AGMO: variants seen among roughly 807,000 people sequenced by gnomAD.
AGMO encodes glyceryl-ether monooxygenase.
Under a neutral mutation model 60.2 loss-of-function variants are expected in AGMO, and 75 were observed. The observed-to-expected ratio is 1.25, with a 90% CI of 1.03 to 1.51. AGMO has a LOEUF of 1.51. AGMO is among the 40% of genes most tolerant of loss of function. AGMO has a pLI of 0.00. For missense variants in AGMO, 763 were observed against 525.5 expected (o/e 1.45, Z -4.42); for synonymous variants, 261 against 177.1 (o/e 1.47, Z -3.76).
intron 10 of AGMO, among the ~76,000 whole-genome samples, chr7:15,370,829 T>C (rs11975914): frequency 0.56 from 84,998 of 151,956 alleles, 24,360 homozygotes; most frequent in African/African-American, 0.67. Flanking sequence ...TTTTCTCCCA[T>C]TCTGTAGACT....
At chr7:15,290,036 T>G (rs1345508754) in intron 12 of AGMO, among the ~76,000 whole-genome samples, 4 of 149,960 alleles carry the variant, frequency 2.7e-5, no homozygotes, top group Non-Finnish European at 5.9e-5. Context: ...AAGTTGATTT[T>G]TTTTTTTTTT....
chr7:15,361,216 A>G (rs533259900), intron 12 of AGMO, among the ~76,000 whole-genome samples: 9 of 151,958 alleles, frequency 5.9e-5, no homozygotes, highest in South Asian at 4.2e-4. Context: ...TCATGCAGCC[A>G]TATCTCTCAA....
intron 12 of AGMO, among the ~76,000 whole-genome samples, chr7:15,322,449 TATATATAAATATATATAA>T (rs200415846): frequency 0.068 from 4,522 of 66,504 alleles, 250 homozygotes; most frequent in East Asian, 0.098. Context: ...TATATAAATA[TATATATAAATATATATAA>T]ATATATAAAT....
intron 12 of AGMO, among the ~76,000 whole-genome samples, chr7:15,245,169 A>G (rs1247295308): frequency 6.6e-6 from 1 of 152,154 alleles, no homozygotes; most frequent in Non-Finnish European, 1.5e-5. Context: ...ATTATATGGT[A>G]CATTTCATTA....
At chr7:15,322,565 AATATAT>A (rs1306148346) in intron 12 of AGMO, among the ~76,000 whole-genome samples, 1 of 36,150 alleles carries the variant, frequency 2.8e-5, no homozygotes, top group Non-Finnish European at 4.3e-5. Flanking sequence ...TAAATATATA[AATATAT>A]ATAAATATAT....
chr7:15,548,268 T>C (rs900698846), intron 2 of AGMO, among the ~76,000 whole-genome samples: 79 of 152,106 alleles, frequency 5.2e-4, no homozygotes, highest in Non-Finnish European at 9.7e-4. Flanking sequence ...CCTCTCCTCC[T>C]CCAAAGGAAC....
intron 3 of AGMO, among the ~76,000 whole-genome samples, chr7:15,511,085 A>G (rs1295268383): frequency 6.6e-6 from 1 of 152,092 alleles, no homozygotes; most frequent in Non-Finnish European, 1.5e-5. Context: ...AATAGTAAAA[A>G]GTAAGATCGT....
At chr7:15,354,452 G>GTA (rs374538625) in intron 12 of AGMO, among the ~76,000 whole-genome samples, 3 of 22,230 alleles carry the variant, frequency 1.3e-4, no homozygotes, top group Admixed American at 5.6e-4. Context: ...ACACGTGTGT[G>GTA]TATACACACG....
At chr7:15,352,314 C>T (rs1382201345) in intron 12 of AGMO, among the ~76,000 whole-genome samples, 1 of 152,118 alleles carries the variant, frequency 6.6e-6, no homozygotes, top group African/African-American at 2.4e-5. Flanking sequence ...GGTAAATAAA[C>T]CCTGGAAAAT....
chr7:15,364,924 G>C (rs1782912586), intron 12 of AGMO, among the ~76,000 whole-genome samples: 1 of 151,966 alleles, frequency 6.6e-6, no homozygotes, highest in East Asian at 1.9e-4. Context: ...TAATGCACTA[G>C]TGATGAGAAA....
At chr7:15,414,299 G>A (rs776120674) in intron 5 of AGMO, among the ~76,000 whole-genome samples, 21 of 152,162 alleles carry the variant, frequency 1.4e-4, no homozygotes, top group African/African-American at 2.4e-4. Context: ...GCACCCGGCC[G>A]TATTTTGGGA....
chr7:15,395,271 ACT>A (rs1358263959), intron 5 of AGMO, among the ~76,000 whole-genome samples: 3 of 152,346 alleles, frequency 2.0e-5, no homozygotes, highest in African/African-American at 7.2e-5. Flanking sequence ...CAAAATAGTC[ACT>A]GACAATTATG....
At position 15,203,857 on chromosome 7, in the gene AGMO, G is replaced by T. The variant is rs572139343; in HGVS notation, c.1264-2498C>A. ...CCTAGGAAATCATTTCAAAGAATAT[G>T]AACATCCATAGTGAATTCATTTCCT... On this transcript the variant is annotated intron_variant, in intron 12 of 12. Transcript: ENST00000342526. Among the ~76,000 whole-genome samples the T allele has an allele frequency of 5.3e-5, 8 of 152,206 alleles. No homozygotes were observed. In the South Asian group the frequency reaches 1.7e-3, roughly 32 times the overall value.
intron 12 of AGMO, among the ~76,000 whole-genome samples, chr7:15,278,243 G>A (rs115115297): frequency 3.0e-3 from 450 of 152,212 alleles, no homozygotes; most frequent in Middle Eastern, 0.01. Context: ...GTACAGAAGG[G>A]GAGTGACTTT....
chr7:15,119,002 T>A, the AGMO span, among the ~76,000 whole-genome samples: 1 of 150,710 alleles, frequency 6.6e-6, no homozygotes, highest in Non-Finnish European at 1.5e-5. Flanking sequence ...TTTTTTTCCT[T>A]CTTTTGACCT....
chr7:15,129,281 G>C, the AGMO span, among the ~76,000 whole-genome samples: 2 of 132,194 alleles, frequency 1.5e-5, no homozygotes, highest in South Asian at 5.0e-4. Context: ...TTTACTTATA[G>C]TGCCTGGCCA....
At chr7:15,488,638 C>T (rs958040972) in intron 3 of AGMO, among the ~76,000 whole-genome samples, 2 of 152,006 alleles carry the variant, frequency 1.3e-5, no homozygotes, top group Non-Finnish European at 2.9e-5. Flanking sequence ...CATTTTTAAA[C>T]GACAAAGTAC....
At chr7:15,491,610 A>G (rs1374733365) in intron 3 of AGMO, among the ~76,000 whole-genome samples, 2 of 152,222 alleles carry the variant, frequency 1.3e-5, no homozygotes, top group East Asian at 3.8e-4. Flanking sequence ...TCCTATGGCT[A>G]AAATGTAACG....
chr7:15,548,707 G>C (rs1254755779), intron 2 of AGMO, among the ~76,000 whole-genome samples: 2 of 152,222 alleles, frequency 1.3e-5, no homozygotes, highest in Non-Finnish European at 1.5e-5. Context: ...GCCTGAAGGT[G>C]ATGGGGAGAA....
Sources: gnomAD v4.1 joint callset for allele counts (sites outside exome capture counted in the v4.1 genomes callset) on GRCh38, gnomAD v4.1.1 for gene constraint, MANE v1.5 for transcripts, NCBI Gene and HGNC (gene_info 2026-07-23, HGNC 2026-07-21) for gene names.